The following VAV2 variants were observed in gnomAD, a reference collection of about 807,000 sequenced individuals.
The protein encoded by VAV2 is guanine nucleotide exchange factor VAV2.
VAV2 carries 67 observed loss-of-function variants against 132.5 expected under a neutral mutation model. That is an observed-to-expected ratio of 0.51 (90% CI 0.42 to 0.62). The LOEUF is 0.62. VAV2 is among the 20% of genes least tolerant of loss of function. The pLI is 0.00. For missense variants in VAV2, 938 were observed against 1,153.6 expected, an observed-to-expected ratio of 0.81 and a Z score of 2.71; for synonymous variants, 492 against 443.5, an observed-to-expected ratio of 1.11 and a Z score of -1.37.
chr9:133,859,644 C>CAAAAA (rs373814519), intron 3 of VAV2, among the ~76,000 whole-genome samples: 19 of 145,208 alleles, frequency 1.3e-4, no homozygotes, highest in African/African-American at 3.8e-4. Flanking sequence ...CAAAACAAAA[C>CAAAAA]AAAAAAAAAA....
chr9:133,789,621 G>A (rs978066035), intron 13 of VAV2, among the ~76,000 whole-genome samples: 2 of 152,222 alleles, frequency 1.3e-5, no homozygotes, highest in Non-Finnish European at 2.9e-5. Context: ...GGCGATTGAC[G>A]GTGCCGGTTG....
chr9:133,930,175 T>A (rs903310043), intron 2 of VAV2, among the ~76,000 whole-genome samples: 1 of 152,162 alleles, frequency 6.6e-6, no homozygotes, highest in African/African-American at 2.4e-5. Flanking sequence ...GGCCTTTTAC[T>A]TCCTCTCCCC....
chr9:133,923,162 C>T (rs557220257), intron 2 of VAV2, among the ~76,000 whole-genome samples: 13 of 152,104 alleles, frequency 8.5e-5, no homozygotes, highest in Non-Finnish European at 1.9e-4. Flanking sequence ...AGGCAGAGGA[C>T]GGCTATTACC....
In VAV2 at chr9:133,834,274, G is replaced by C. The variant is rs146677933; in HGVS notation, c.447C>G (p.Ala149=). 1.9e-6 allele frequency: 3 copies of C among 1,609,478 alleles called. No individual in the cohort carries two copies. The highest frequency in any genetic ancestry group is 1.7e-5 in the Admixed American group (1 of 59,626). ...CTCCTCCCATCCCCCCGCCTTACTC[G>C]GCCAGCTCCTCCAGGCTGCGGTAGA... ...DDVYRSLEEL[A]DEHDLGEDIY... is the part of the protein sequence containing the mutation. The change falls in exon 4 of 30, where the codon GCC becomes GCG. Residue 149 remains alanine, a splice_region_variant and synonymous_variant. Transcript: ENST00000371850. The surrounding 1 kb of genome is among the most constrained non-coding windows in gnomAD (Gnocchi z 5.9).
chr9:133,898,798 G>A (rs552277660), intron 2 of VAV2, among the ~76,000 whole-genome samples: 3 of 147,736 alleles, frequency 2.0e-5, no homozygotes, highest in Non-Finnish European at 4.5e-5. Flanking sequence ...TCGGATCCAG[G>A]GAGGATGCAG....
intron 1 of VAV2, among the ~76,000 whole-genome samples, chr9:133,981,743 C>A (rs947731876): frequency 1.3e-5 from 2 of 152,216 alleles, no homozygotes; most frequent in African/African-American, 4.8e-5. Flanking sequence ...CCCACTGCCG[C>A]CCCTGCGGGC....
intron 2 of VAV2, among the ~76,000 whole-genome samples, chr9:133,927,494 A>G (rs1227047867): frequency 2.0e-5 from 3 of 152,144 alleles, no homozygotes; most frequent in Non-Finnish European, 4.4e-5. Flanking sequence ...TAGGGCTGGG[A>G]AAACTGGATA....
chr9:133,857,019 C>G lies in VAV2; in HGVS notation c.380+4355G>C, dbSNP rs1232798639. ...CGCGAGGCAGAGTCATGCTCCCAGCCTACAGAAGAGACAAAGGTTCCAAGA... is the reference window on the plus strand; with the variant it reads ...CGCGAGGCAGAGTCATGCTCCCAGCGTACAGAAGAGACAAAGGTTCCAAGA... On this transcript the variant is annotated intron_variant, in intron 3 of 29. Coordinates refer to ENST00000371850, the MANE Select transcript of VAV2 (RefSeq NM_001134398.2). This position sits in a 1 kb window ranked among gnomAD's most constrained non-coding sequence, Gnocchi z 4.0. Among the ~76,000 whole-genome samples, 2 of 152,212 alleles carry G rather than the reference C, an allele frequency of 1.3e-5. No individual in the cohort carries two copies. Among genetic ancestry groups the G allele is most frequent in the African/African-American group, 4.8e-5 (2 of 41,444 alleles).
At chr9:133,892,917 G>A (rs539760817) in intron 2 of VAV2, among the ~76,000 whole-genome samples, 20 of 152,316 alleles carry the variant, frequency 1.3e-4, no homozygotes, top group African/African-American at 3.4e-4. Context: ...GAACTTGCCC[G>A]AGCCCACCCC....
chr9:133,904,682 G>A (rs1258089242), intron 2 of VAV2, among the ~76,000 whole-genome samples: 3 of 152,252 alleles, frequency 2.0e-5, no homozygotes, highest in African/African-American at 7.2e-5. Flanking sequence ...GCCGTCGGGT[G>A]CCAGGTGTGC....
intron 1 of VAV2, among the ~76,000 whole-genome samples, chr9:133,962,162 C>T (rs1255575966): frequency 1.3e-5 from 2 of 152,176 alleles, no homozygotes; most frequent in Non-Finnish European, 1.5e-5. Flanking sequence ...CCCTCCTGGG[C>T]ACAGAGGGGG....
chr9:133,825,340 C>G (rs991877607), intron 4 of VAV2, among the ~76,000 whole-genome samples: 4 of 152,188 alleles, frequency 2.6e-5, no homozygotes, highest in Non-Finnish European at 5.9e-5. Context: ...CCTGTCAACA[C>G]CTCCTCTGGG....
intron 4 of VAV2, among the ~76,000 whole-genome samples, chr9:133,818,390 G>A (rs1835653391): frequency 6.6e-6 from 1 of 151,486 alleles, no homozygotes; most frequent in Non-Finnish European, 1.5e-5. Context: ...AAAAATGGGT[G>A]GACTTGCTCT....
chr9:133,897,690 T>G (rs13291383), intron 2 of VAV2, among the ~76,000 whole-genome samples: 1 of 152,034 alleles, frequency 6.6e-6, no homozygotes, highest in Admixed American at 6.5e-5. Context: ...ATTGCTCTTC[T>G]ATGCCTCGTT....
At chr9:133,942,855 C>T (rs1201607136) in intron 1 of VAV2, among the ~76,000 whole-genome samples, 6 of 152,196 alleles carry the variant, frequency 3.9e-5, no homozygotes, top group South Asian at 2.1e-4. Flanking sequence ...CTGAGCCACA[C>T]AGGCTGATGC....
rs1356131672 is a variant in VAV2 at position 133,894,507 on chromosome 9, C to A, written c.322-33075G>T. On this transcript the variant is annotated intron_variant, in intron 2 of 29. Coordinates refer to ENST00000371850, the MANE Select transcript of VAV2 (RefSeq NM_001134398.2). ...CCAAAGGAGAGGCCCCCAGAAACCC[C>A]AGAGCTCCCCGGGTGACCCTGCACA... is the stretch of plus-strand genomic sequence containing the variant. Among the ~76,000 whole-genome samples the A allele has an allele frequency of 8.5e-5, 13 of 152,214 alleles. No homozygotes were observed. In the East Asian group the frequency reaches 2.5e-3, roughly 29 times the overall value.
intron 1 of VAV2, among the ~76,000 whole-genome samples, chr9:133,975,702 A>G (rs809737): frequency 0.16 from 24,149 of 152,240 alleles, 2,021 homozygotes; most frequent in African/African-American, 0.19. Flanking sequence ...TCACCCAAGA[A>G]CACAGAGGCA....
Position 133,992,298 on chromosome 9 carries a change from G to C in VAV2, c.-20C>G. Reference sequence around the variant, plus strand: ...CTCCATGGCGCCCGCGGGCCCGACCGGCTCAGGGCAGTGCTCGAGCCAAAG... The same window carrying C: ...CTCCATGGCGCCCGCGGGCCCGACCCGCTCAGGGCAGTGCTCGAGCCAAAG... On this transcript the variant is annotated 5_prime_UTR_variant, in exon 1 of 30. Coordinates refer to ENST00000371850, the MANE Select transcript of VAV2 (RefSeq NM_001134398.2). The surrounding 1 kb of genome is among the most constrained non-coding windows in gnomAD (Gnocchi z 5.5). The C allele has an allele frequency of 7.0e-7, 1 of 1,428,346 alleles. No individual in the cohort carries two copies. Among genetic ancestry groups the C allele is most frequent in the Non-Finnish European group, 9.3e-7 (1 of 1,080,068 alleles). The allele number at this position is 1,428,346 out of a possible 1,614,324, so 88.5% of individuals were successfully genotyped here.
intron 1 of VAV2, among the ~76,000 whole-genome samples, chr9:133,949,284 C>T (rs762678198): frequency 3.9e-5 from 6 of 152,200 alleles, no homozygotes; most frequent in East Asian, 1.9e-4. Flanking sequence ...TCCCCGAGGA[C>T]GCCCTGACCC....
Sources: allele counts gnomAD v4.1 joint callset (sites outside exome capture counted in the v4.1 genomes callset), GRCh38; gene constraint gnomAD v4.1.1; non-coding constraint Gnocchi (gnomAD v3.1); transcripts MANE v1.5; gene names NCBI Gene and HGNC (gene_info 2026-07-23, HGNC 2026-07-21).